TTC6: variants seen among roughly 807,000 people sequenced by gnomAD.
TTC6 encodes tetratricopeptide repeat protein 6.
A neutral mutation model predicts 210.4 loss-of-function variants in TTC6; 172 were observed. The ratio of observed to expected loss-of-function variants is 0.82; its 90% CI spans 0.72 to 0.93. TTC6 has a LOEUF of 0.93. Among genes scored for constraint, TTC6 ranks in the 40% least tolerant of loss-of-function variants. The probability of loss-of-function intolerance (pLI) is 0.00; values close to 1 mark genes in which losing one functional copy is unlikely to be tolerated. For missense variants in TTC6, 2,414 were observed against 2,318.1 expected, an observed-to-expected ratio of 1.04 and a Z score of -0.85; for synonymous variants, 804 against 819.6, an observed-to-expected ratio of 0.98 and a Z score of 0.32.
intron 28 of TTC6, 53 bp from the exon 31 acceptor site, chr14:37,827,143 T>G: frequency 1.4e-6 from 2 of 1,435,846 alleles, no homozygotes; most frequent in Middle Eastern, 1.8e-4. Context: ...AGACATGACA[T>G]CAGAGGTAAA....
intron 3 of TTC6, among the ~76,000 whole-genome samples, chr14:37,684,520 A>G (rs945404674): frequency 2.0e-5 from 3 of 152,188 alleles, no homozygotes; most frequent in Non-Finnish European, 2.9e-5. Flanking sequence ...GACTTGGTGA[A>G]TGGATTAAAA....
chr14:37,711,113 T>C (rs1275455167), intron 5 of TTC6, among the ~76,000 whole-genome samples: 1 of 152,088 alleles, frequency 6.6e-6, no homozygotes, highest in African/African-American at 2.4e-5. Context: ...GGAATACACT[T>C]TGAGAACTAC....
chr14:37,648,171 A>G (rs1391742222), intron 1 of TTC6, among the ~76,000 whole-genome samples: 1 of 152,164 alleles, frequency 6.6e-6, no homozygotes, highest in Non-Finnish European at 1.5e-5. Flanking sequence ...GTTGGTGTTT[A>G]ATGAAAGTGG....
intron 1 of TTC6, among the ~76,000 whole-genome samples, chr14:37,661,924 T>C (rs903985148): frequency 6.6e-6 from 1 of 152,172 alleles, no homozygotes; most frequent in South Asian, 2.1e-4. Context: ...ATTCTCTTTG[T>C]AGCAATTGTG....
At chr14:37,689,547 A>G (rs895845746) in intron 3 of TTC6, among the ~76,000 whole-genome samples, 8 of 152,290 alleles carry the variant, frequency 5.3e-5, no homozygotes, top group Non-Finnish European at 1.0e-4. Context: ...AAGGTCAAGG[A>G]TAAAGAAAGG....
chr14:37,630,907 G>GTGT (rs2095668293), intron 1 of TTC6, among the ~76,000 whole-genome samples: 1 of 33,064 alleles, frequency 3.0e-5, no homozygotes. Context: ...GGCAACCCCT[G>GTGT]TTTTTTTTTT....
At chr14:37,701,486 T>G in exon 5 of TTC6, 3 of 1,517,960 alleles carry the variant, frequency 2.0e-6, no homozygotes, top group Non-Finnish European at 2.6e-6. Flanking sequence ...TGGAACCTCT[T>G]TCTTAGATGA....
chr14:37,780,813 G>A (rs2096052542), intron 14 of TTC6, among the ~76,000 whole-genome samples: 1 of 152,018 alleles, frequency 6.6e-6, no homozygotes. Flanking sequence ...GGTGTGTGGT[G>A]ATCCCCTCCC....
intron 14 of TTC6, among the ~76,000 whole-genome samples, chr14:37,759,727 T>G (rs2095978423): frequency 6.6e-6 from 1 of 152,232 alleles, no homozygotes; most frequent in South Asian, 2.1e-4. Context: ...TAATCTTGTC[T>G]TCACATCTTA....
At chr14:37,802,758 G>T (rs1330650388) in intron 20 of TTC6, among the ~76,000 whole-genome samples, 1 of 147,716 alleles carries the variant, frequency 6.8e-6, no homozygotes, top group Non-Finnish European at 1.5e-5. Flanking sequence ...TTTTGAGATG[G>T]AGTCTTGCTC....
intron 28 of TTC6, among the ~76,000 whole-genome samples, 185 bp from the exon 31 acceptor site, chr14:37,827,011 G>A (rs2096173372): frequency 6.6e-6 from 1 of 152,044 alleles, no homozygotes; most frequent in Non-Finnish European, 1.5e-5. Context: ...AATCAACAAA[G>A]TGTTGACACT....
At chr14:37,750,192 G>T (rs2095947592) in intron 12 of TTC6, among the ~76,000 whole-genome samples, 1 of 152,120 alleles carries the variant, frequency 6.6e-6, no homozygotes, top group South Asian at 2.1e-4. Context: ...CTGAGTTAGA[G>T]TTATTGTGCG....
At chr14:37,720,054 T>C (rs1450986870) in intron 6 of TTC6, among the ~76,000 whole-genome samples, 5 of 152,040 alleles carry the variant, frequency 3.3e-5, no homozygotes, top group African/African-American at 1.2e-4. Context: ...TTTCACCACA[T>C]AGGATATATA....
intron 6 of TTC6, 70 bp downstream of exon 8, chr14:37,714,866 T>G: frequency 1.4e-6 from 2 of 1,403,280 alleles, no homozygotes; most frequent in Non-Finnish European, 1.9e-6. Context: ...TTCAGGAGAC[T>G]TTTTTCACTC....
chr14:37,799,995 A>C (rs1391344304), intron 20 of TTC6, among the ~76,000 whole-genome samples: 1 of 152,174 alleles, frequency 6.6e-6, no homozygotes, highest in East Asian at 1.9e-4. Flanking sequence ...TAAAGCATTA[A>C]GTTTGTGGCA....
chr14:37,787,687 C>T (rs1421766579), intron 15 of TTC6, 50 bp downstream of exon 17: 3 of 1,362,178 alleles, frequency 2.2e-6, no homozygotes, highest in Non-Finnish European at 2.9e-6. Context: ...TGAGATTCAA[C>T]AGCTCAGTTT....
intron 10 of TTC6, among the ~76,000 whole-genome samples, chr14:37,739,980 A>C (rs2095913956): frequency 6.6e-6 from 1 of 151,876 alleles, no homozygotes; most frequent in Non-Finnish European, 1.5e-5. Flanking sequence ...TGGCTAACGC[A>C]GTGAAACCCC....
intron 26 of TTC6, among the ~76,000 whole-genome samples, chr14:37,820,919 T>G (rs1474895180): frequency 6.1e-5 from 9 of 148,632 alleles, no homozygotes; most frequent in African/African-American, 2.3e-4. Context: ...CTCCTCCTTC[T>G]CCTCCTTCTT....
chr14:37,703,961 A>G (rs1566899389), intron 5 of TTC6, among the ~76,000 whole-genome samples: 2 of 152,210 alleles, frequency 1.3e-5, no homozygotes, highest in South Asian at 4.1e-4. Flanking sequence ...CAACTTGGTG[A>G]ATAGCCTTTC....
Sources: gnomAD v4.1 joint callset for allele counts (sites outside exome capture counted in the v4.1 genomes callset) on GRCh38, gnomAD v4.1.1 for gene constraint, MANE v1.5 for transcripts, NCBI Gene and HGNC (gene_info 2026-07-23, HGNC 2026-07-21) for gene names.